Variants in KRT4 observed in about 807,000 individuals in gnomAD.
KRT4 encodes keratin, type II cytoskeletal 4.
Under a neutral mutation model 50.6 loss-of-function variants are expected in KRT4, and 47 were observed. That is an observed-to-expected ratio of 0.93 (90% CI 0.73 to 1.18). The LOEUF (loss-of-function observed/expected upper bound fraction) is 1.18. KRT4 is among the 50% of genes most tolerant of loss of function. The pLI is 0.00. For missense variants in KRT4, 651 were observed against 645.7 expected (o/e 1.01, Z -0.09); for synonymous variants, 254 against 251.2 (o/e 1.01, Z -0.10).
rs1939828331 is a variant in KRT4, at chr12:52,807,813, C to A, written c.1177G>T (p.Ala393Ser). ...VADAEQRGEN[A>S]LKDAHSKRVE... The stretch of plus-strand genomic sequence containing the variant: ...CGCTTGCTGTGGGCATCTTTAAGGG[C>A]ATTCTCACCTCGCTGCTCTGCATCA... Residue 393 changes from alanine to serine, a missense_variant, in exon 7 of 9, where the codon GCC becomes TCC. Transcript: ENST00000551956. The A allele has an allele frequency of 6.2e-7, 1 of 1,614,042 alleles. No homozygotes were observed. Among genetic ancestry groups the A allele is most frequent in the Admixed American group, 1.7e-5 (1 of 59,998 alleles).
At chr12:52,811,441 T>C (rs563447718) in intron 2 of KRT4, 1 of 355,824 alleles carries the variant, frequency 2.8e-6, no homozygotes, top group Non-Finnish European at 5.3e-6. Flanking sequence ...GGACTCAGTA[T>C]GCAAACCACC....
chr12:52,806,661 T>C lies in KRT4; in HGVS notation c.*408A>G. 1 of 280,404 alleles carries C rather than the reference T, an allele frequency of 3.6e-6. No homozygotes were observed. Among genetic ancestry groups the C allele is most frequent in the Non-Finnish European group, 7.0e-6 (1 of 142,722 alleles). 17.4% of individuals were successfully genotyped at this position (280,404 alleles called of 1,614,324 possible). On this transcript the variant is annotated 3_prime_UTR_variant, in exon 9 of 9. Coordinates refer to ENST00000551956, the MANE Select transcript of KRT4 (RefSeq NM_002272.4). ...ATCCTAAGCTTGCAGGGCCAAGTGC[T>C]GCCGGGTGTTGGAGAAGTAGTTTGG...
chr12:52,810,504 G>A (rs991019423), intron 3 of KRT4, among the ~76,000 whole-genome samples: 7 of 152,046 alleles, frequency 4.6e-5, no homozygotes, highest in Non-Finnish European at 8.8e-5. Flanking sequence ...CCAAGATCGC[G>A]CCATTGCACT....
At chr12:52,809,255 C>A in intron 4 of KRT4, 128 bp downstream of exon 4, 1 of 782,156 alleles carries the variant, frequency 1.3e-6, no homozygotes, top group East Asian at 2.5e-5. Context: ...TATGCATGAC[C>A]TTGATGAGAA....
In KRT4 at chr12:52,810,437, C is replaced by A. The variant is rs570953538; in HGVS notation, c.738+319G>T. Among the ~76,000 whole-genome samples, 3 of 152,076 alleles carry A rather than the reference C, an allele frequency of 2.0e-5. No individual in the cohort carries two copies. In the South Asian group the frequency reaches 6.2e-4, roughly 32 times the overall value. On this transcript the variant is annotated intron_variant, in intron 3 of 8. Transcript: ENST00000551956. The stretch of plus-strand genomic sequence containing the variant: ...TGGTGCATGCCTGTAATCCCAGCTA[C>A]TCGGGAGGCTGAGGCAGGAGAATCG...
Position 52,810,748 on chromosome 12 carries a change from T to C in KRT4, c.738+8A>G, listed in dbSNP as rs376461789. 1 of 1,613,570 alleles carries C rather than the reference T, an allele frequency of 6.2e-7. No homozygotes were observed. Among genetic ancestry groups the C allele is most frequent in the Non-Finnish European group, 8.5e-7 (1 of 1,179,572 alleles). ...TGAAGGCACTCCCTACCATCCTTCG[T>C]CTCTTACCTTCTTTAGGACCACAAA... On this transcript the variant is annotated splice_region_variant and intron_variant, in intron 3 of 8. Coordinates refer to ENST00000551956, the MANE Select transcript of KRT4 (RefSeq NM_002272.4).
intron 3 of KRT4, among the ~76,000 whole-genome samples, chr12:52,810,037 A>G (rs1939881602): frequency 6.6e-6 from 1 of 151,738 alleles, no homozygotes; most frequent in South Asian, 2.1e-4. Context: ...CTCACTTATA[A>G]GTGGGAGCTA....
chr12:52,811,738 C>T lies in KRT4; in HGVS notation c.677+25G>A, dbSNP rs201226346. ...GTGGCTGGGCACATGTGTCAGATGG[C>T]GTCCCCTCCTTCCTCCCCATGTACT... On this transcript the variant is annotated intron_variant, in intron 2 of 8. Transcript: ENST00000551956. 108 of 1,580,118 alleles carry T rather than the reference C, an allele frequency of 6.8e-5. No individual in the cohort carries two copies. In the African/African-American group the frequency reaches 1.2e-3, roughly 18 times the overall value.
At chr12:52,808,550 C>T in intron 5 of KRT4, 131 bp from the exon 6 acceptor site, 1 of 1,503,976 alleles carries the variant, frequency 6.6e-7, no homozygotes, top group Admixed American at 1.7e-5. Flanking sequence ...TCAAATCAGA[C>T]CAGGACCAAC....
At position 52,814,081 on chromosome 12, in the gene KRT4, G is replaced by A; in HGVS notation, c.-23C>T. On this transcript the variant is annotated 5_prime_UTR_variant, in exon 1 of 9. Transcript: ENST00000551956. Reference sequence around the variant, plus strand: ...CATGGCTGCAGAGAGCGAGCTGGGAGCTATCAGAGAAGTGACAGGGCCCAG... The same window carrying A: ...CATGGCTGCAGAGAGCGAGCTGGGAACTATCAGAGAAGTGACAGGGCCCAG... 6.2e-7 allele frequency: 1 copy of A among 1,613,714 alleles called. No homozygotes were observed.
rs1939801432 is a variant in KRT4 at position 52,806,672 on chromosome 12, G to A, written c.*397C>T. The A allele has an allele frequency of 7.0e-6, 2 of 286,088 alleles. No individual in the cohort carries two copies. Among genetic ancestry groups the A allele is most frequent in the Admixed American group, 4.3e-5 (1 of 23,510 alleles). The allele number at this position is 286,088 out of a possible 1,614,324, so 17.7% of individuals were successfully genotyped here. On this transcript the variant is annotated 3_prime_UTR_variant, in exon 9 of 9. Transcript: ENST00000551956. ...GCAGGGCCAAGTGCTGCCGGGTGTT[G>A]GAGAAGTAGTTTGGTTCTGATGTAG...
intron 7 of KRT4, 85 bp downstream of exon 7, chr12:52,807,559 T>C (rs2121244395): frequency 1.3e-6 from 2 of 1,535,206 alleles, no homozygotes; most frequent in Non-Finnish European, 9.0e-7. Flanking sequence ...ACAACACTGA[T>C]GCTTGCAGCC....
intron 2 of KRT4, 49 bp downstream of exon 2, chr12:52,811,714 T>C (rs1340116188): frequency 6.7e-7 from 1 of 1,494,360 alleles, no homozygotes; most frequent in South Asian, 1.1e-5. Context: ...AGCCTGGGTG[T>C]GGCTGGGCAC....
At chr12:52,813,214 A>G (rs1259958312) in intron 1 of KRT4, among the ~76,000 whole-genome samples, 1 of 152,196 alleles carries the variant, frequency 6.6e-6, no homozygotes, top group Non-Finnish European at 1.5e-5. Context: ...TTCTGTTCTA[A>G]GAACAGAAGT....
rs1443988699 is a variant in KRT4 at position 52,814,105 on chromosome 12, A to C, written c.-47T>G. On this transcript the variant is annotated 5_prime_UTR_variant, in exon 1 of 9. Transcript: ENST00000551956. Reference sequence around the variant, plus strand: ...AGCTATCAGAGAAGTGACAGGGCCCAGGCCGGTGAGTGCTGGAGCCCTCAG... The same window carrying C: ...AGCTATCAGAGAAGTGACAGGGCCCCGGCCGGTGAGTGCTGGAGCCCTCAG... 1.2e-6 allele frequency: 2 copies of C among 1,614,036 alleles called. No individual in the cohort carries two copies. The highest frequency in any genetic ancestry group is 3.3e-5 in the Admixed American group (2 of 60,008).
At chr12:52,810,925 C>T (rs367879122) in intron 2 of KRT4, 109 bp from the exon 3 acceptor site, 24 of 853,092 alleles carry the variant, frequency 2.8e-5, no homozygotes, top group African/African-American at 2.5e-4. Flanking sequence ...GAAATATCCA[C>T]GTAATTAGTT....
In KRT4 at chr12:52,807,231, G is replaced by A; in HGVS notation, c.1401C>T (p.Thr467=). 1 of 1,614,166 alleles carries A rather than the reference G, an allele frequency of 6.2e-7. No homozygotes were observed. The highest frequency in any genetic ancestry group is 2.2e-5 in the East Asian group (1 of 44,874). The change falls in exon 9 of 9, where the codon ACC becomes ACT. Residue 467 remains threonine (T), a synonymous_variant. Coordinates refer to ENST00000551956, the MANE Select transcript of KRT4 (RefSeq NM_002272.4). ...AVSISVVSGS[T]STGGISGGLG... The stretch of plus-strand genomic sequence containing the variant: ...ATCCTCCGCTGATGCCTCCAGTGCT[G>A]GTGCTACCGCTGACCACAGCTGCAG...
intron 3 of KRT4, 25 bp from the exon 4 acceptor site, chr12:52,809,503 A>G: frequency 6.5e-7 from 1 of 1,547,684 alleles, no homozygotes; most frequent in Non-Finnish European, 8.9e-7. Flanking sequence ...GGAGGATAAG[A>G]GATGAGGAGC....
intron 2 of KRT4, 84 bp from the exon 3 acceptor site, chr12:52,810,900 T>C: frequency 8.7e-7 from 1 of 1,151,640 alleles, no homozygotes; most frequent in South Asian, 1.2e-5. Context: ...TTTCAAGCAT[T>C]TCCAAACAAA....
Sources: gnomAD v4.1 joint callset for allele counts (sites outside exome capture counted in the v4.1 genomes callset) on GRCh38, gnomAD v4.1.1 for gene constraint, MANE v1.5 for transcripts, NCBI Gene and HGNC (gene_info 2026-07-23, HGNC 2026-07-21) for gene names.